CD36: variants seen among roughly 807,000 people sequenced by gnomAD.
The protein encoded by CD36 is platelet glycoprotein 4.
In CD36, 119 loss-of-function variants were observed where a neutral mutation model predicts 55.2. The observed-to-expected ratio is 2.15, with a 90% CI of 1.86 to 2.51. The LOEUF (loss-of-function observed/expected upper bound fraction) is 2.51, where lower values mean the gene tolerates loss of function less well. CD36 is among the 30% of genes most tolerant of loss of function. The pLI is 0.00. For missense variants in CD36, 819 were observed against 555.5 expected (o/e 1.47, Z -4.77); for synonymous variants, 186 against 193.6 (o/e 0.96, Z 0.33).
At chr7:80,664,243 C>T (rs575372592) in intron 6 of CD36, among the ~76,000 whole-genome samples, 163 bp from the exon 7 acceptor site, 1 of 151,646 alleles carries the variant, frequency 6.6e-6, no homozygotes, top group African/African-American at 2.4e-5. Flanking sequence ...TTTCTAGGCA[C>T]CTTTCACAAT....
At chr7:80,626,275 T>C (rs1793731336) in intron 1 of CD36, 1 of 152,138 alleles carries the variant, frequency 6.6e-6, no homozygotes, top group Admixed American at 6.6e-5. Flanking sequence ...CTAGTATTTA[T>C]ATTATTTACA....
At chr7:80,625,420 A>G (rs1330480600) in intron 1 of CD36, among the ~76,000 whole-genome samples, 2 of 152,158 alleles carry the variant, frequency 1.3e-5, no homozygotes, top group African/African-American at 4.8e-5. Context: ...ATGTATTAAA[A>G]GAGAGTACAG....
chr7:80,654,574 A>G (rs1024916289), intron 3 of CD36, among the ~76,000 whole-genome samples: 5 of 152,208 alleles, frequency 3.3e-5, no homozygotes, highest in Admixed American at 6.6e-5. Context: ...AAGAATATCC[A>G]TAATGCTTTA....
chr7:80,621,974 T>A (rs910035211), intron 1 of CD36, among the ~76,000 whole-genome samples: 25 of 152,272 alleles, frequency 1.6e-4, no homozygotes, highest in African/African-American at 5.8e-4. Context: ...TTCACCTATT[T>A]TATATATACC....
chr7:80,674,888 C>G (rs1386763574), intron 14 of CD36, among the ~76,000 whole-genome samples: 1 of 152,032 alleles, frequency 6.6e-6, no homozygotes, highest in Admixed American at 6.6e-5. Flanking sequence ...GTGCCAGTAC[C>G]ATGCTAAAGA....
chr7:80,664,447 A>G lies in CD36; in HGVS notation c.651A>G (p.Gly217=), dbSNP rs758335497. The G allele has an allele frequency of 2.9e-5, 46 of 1,581,810 alleles. No individual in the cohort carries two copies. The highest frequency in any genetic ancestry group is 3.6e-5 in the Non-Finnish European group (41 of 1,150,946). The change falls in exon 7 of 15, where the codon GGA becomes GGG. Residue 217 remains glycine, a synonymous_variant. Transcript: ENST00000447544. ...ATGGAGTTTATAAAGTTTTCAATGG[A>G]AAAGATAACATAAGTAAAGTTGCCA... is the stretch of plus-strand genomic sequence containing the variant. ...TADGVYKVFN[G]KDNISKVAII... is the part of the protein sequence containing the mutation.
At chr7:80,654,408 T>A (rs908735417) in intron 3 of CD36, among the ~76,000 whole-genome samples, 3 of 152,172 alleles carry the variant, frequency 2.0e-5, no homozygotes, top group African/African-American at 4.8e-5. Context: ...TAACAGGTAT[T>A]GTTTTTGAGC....
rs149985988 is a variant in CD36, at chr7:80,666,470, C to T, written c.729C>T (p.Cys243=). The change falls in exon 8 of 15, where the codon TGC becomes TGT. Residue 243 remains cysteine, a synonymous_variant. Coordinates refer to ENST00000447544, the MANE Select transcript of CD36 (RefSeq NM_001001548.3). The part of the protein sequence containing the change: ...KRNLSYWESH[C]DMINGTDAAS... ...ATCTGTCCTATTGGGAAAGTCACTG[C>T]GACATGATTAATGGTACAGGTAAGA... 49 of 1,607,436 alleles carry T rather than the reference C, an allele frequency of 3.0e-5. No individual in the cohort carries two copies. In the African/African-American group the frequency reaches 4.4e-4, roughly 14 times the overall value.
At chr7:80,610,269 C>T (rs1323521328) in intron 1 of CD36, among the ~76,000 whole-genome samples, 2 of 152,034 alleles carry the variant, frequency 1.3e-5, no homozygotes. Flanking sequence ...TTTGAGTTTT[C>T]CTGATCTATA....
chr7:80,605,993 A>G (rs1792529062), intron 1 of CD36, among the ~76,000 whole-genome samples: 1 of 152,200 alleles, frequency 6.6e-6, no homozygotes, highest in South Asian at 2.1e-4. Context: ...TAATGGAGCT[A>G]TTCCATTTGT....
chr7:80,650,114 A>AGTG (rs748300593), intron 3 of CD36, among the ~76,000 whole-genome samples: 23 of 152,024 alleles, frequency 1.5e-4, no homozygotes, highest in Admixed American at 7.2e-4. Flanking sequence ...CAGACTTCCT[A>AGTG]GTGTAGATTC....
chr7:80,670,896 T>G (rs1294611911), intron 9 of CD36, 81 bp from the exon 10 acceptor site: 2 of 1,009,472 alleles, frequency 2.0e-6, no homozygotes, highest in Non-Finnish European at 3.1e-6. Flanking sequence ...GTTTCTAAGT[T>G]AAAACAAGAA....
chr7:80,605,871 A>G (rs1435390667), intron 1 of CD36, among the ~76,000 whole-genome samples: 2 of 152,198 alleles, frequency 1.3e-5, no homozygotes, highest in Non-Finnish European at 2.9e-5. Context: ...ATTACAGTGC[A>G]GAAAGGTATG....
chr7:80,636,497 C>T (rs1198796237), upstream of CD36, among the ~76,000 whole-genome samples: 1 of 145,874 alleles, frequency 6.9e-6, no homozygotes, highest in Non-Finnish European at 1.5e-5. Context: ...TTTAAACTTA[C>T]ATCCTTCCAA....
At chr7:80,674,188 T>C in intron 14 of CD36, 41 bp downstream of exon 14, 1 of 1,371,824 alleles carries the variant, frequency 7.3e-7, no homozygotes, top group Non-Finnish European at 1.0e-6. Context: ...TAATATTAGC[T>C]TATATATTAC....
intron 1 of CD36, among the ~76,000 whole-genome samples, chr7:80,615,476 T>G (rs1793098842): frequency 6.6e-6 from 1 of 152,230 alleles, no homozygotes; most frequent in South Asian, 2.1e-4. Context: ...TGTTGTTCTT[T>G]CTGCTTCTAT....
intron 1 of CD36, among the ~76,000 whole-genome samples, chr7:80,628,800 GA>G (rs1255046421): frequency 3.9e-5 from 6 of 152,012 alleles, no homozygotes; most frequent in African/African-American, 1.4e-4. Flanking sequence ...ACATATGTAA[GA>G]TGAACATGGA....
chr7:80,671,175 A>G lies in CD36; in HGVS notation c.1006+11A>G. 1 of 1,563,098 alleles carries G rather than the reference A, an allele frequency of 6.4e-7. No individual in the cohort carries two copies. Among genetic ancestry groups the G allele is most frequent in the Non-Finnish European group, 8.8e-7 (1 of 1,135,196 alleles). ...GCAAATGCAAAGAAGGTGAGTAAAT[A>G]ACCTCAGTAGCACAGTCCATACCAT... On this transcript the variant is annotated intron_variant, in intron 10 of 14. Transcript: ENST00000447544.
chr7:80,661,285 T>C (rs1453492258), intron 5 of CD36, 75 bp downstream of exon 5: 2 of 1,378,332 alleles, frequency 1.5e-6, no homozygotes, highest in Non-Finnish European at 2.1e-6. Flanking sequence ...TCATTAGAAT[T>C]ATTAGGTTTT....
Sources: gnomAD v4.1 joint callset for allele counts (sites outside exome capture counted in the v4.1 genomes callset) on GRCh38, gnomAD v4.1.1 for gene constraint, MANE v1.5 for transcripts, NCBI Gene and HGNC (gene_info 2026-07-23, HGNC 2026-07-21) for gene names.